Variants in DPY19L1 observed in about 807,000 individuals in gnomAD.
DPY19L1 encodes the protein dpy-19 like C-mannosyltransferase 1.
A neutral mutation model predicts 96.9 loss-of-function variants in DPY19L1; 35 were observed. The ratio of observed to expected loss-of-function variants is 0.36; its 90% CI spans 0.28 to 0.48. The LOEUF is 0.48. Ranked by LOEUF, DPY19L1 falls within the 20% of genes least tolerant of loss-of-function variation. DPY19L1 has a pLI of 0.99. For synonymous variants in DPY19L1, 205 were observed against 252.6 expected, an observed-to-expected ratio of 0.81 and a Z score of 1.79; for missense variants, 521 against 777.9, an observed-to-expected ratio of 0.67 and a Z score of 3.93.
At chr7:34,994,610 C>A (rs570259589) in intron 6 of DPY19L1, among the ~76,000 whole-genome samples, 1 of 152,092 alleles carries the variant, frequency 6.6e-6, no homozygotes, top group East Asian at 1.9e-4. Context: ...TCGAGACCAT[C>A]CTGGCTAACA....
intron 6 of DPY19L1, among the ~76,000 whole-genome samples, chr7:34,999,890 A>G (rs760391126): frequency 6.6e-6 from 1 of 152,204 alleles, no homozygotes; most frequent in Non-Finnish European, 1.5e-5. Flanking sequence ...TAATAATGTA[A>G]CTGCGGACTA....
rs1356952689 is a variant in DPY19L1, at chr7:34,947,710, C to T, written c.1423-9G>A. The T allele has an allele frequency of 1.9e-6, 3 of 1,599,604 alleles. No individual in the cohort carries two copies. The highest frequency in any genetic ancestry group is 1.7e-4 in the Middle Eastern group (1 of 5,926). Reference sequence around the variant, plus strand: ...GTGTATCTCAGTGGAGTCTGAAATTCAAAGAGATGTTTTGTTAGAAGGAAA... The same window carrying T: ...GTGTATCTCAGTGGAGTCTGAAATTTAAAGAGATGTTTTGTTAGAAGGAAA... On this transcript the variant is annotated splice_polypyrimidine_tract_variant and intron_variant, in intron 14 of 21. Coordinates refer to ENST00000638088, the MANE Select transcript of DPY19L1 (RefSeq NM_001366673.1).
chr7:35,029,307 T>C (rs1272777732), intron 1 of DPY19L1, among the ~76,000 whole-genome samples: 6 of 152,196 alleles, frequency 3.9e-5, no homozygotes, highest in Non-Finnish European at 7.4e-5. Flanking sequence ...CTAGATAAGA[T>C]ACACAACCAA....
At chr7:35,016,939 C>T (rs1785863656) in intron 3 of DPY19L1, among the ~76,000 whole-genome samples, 1 of 148,694 alleles carries the variant, frequency 6.7e-6, no homozygotes, top group Non-Finnish European at 1.5e-5. Flanking sequence ...TTAAGATACA[C>T]ATCAACTAAA....
At chr7:35,029,499 C>T (rs1380569785) in intron 1 of DPY19L1, among the ~76,000 whole-genome samples, 2 of 152,092 alleles carry the variant, frequency 1.3e-5, no homozygotes, top group Non-Finnish European at 2.9e-5. Flanking sequence ...AACTGATAAC[C>T]CATTCCAATG....
chr7:34,946,479 T>C (rs543372725), intron 15 of DPY19L1, among the ~76,000 whole-genome samples: 3 of 152,348 alleles, frequency 2.0e-5, no homozygotes, highest in African/African-American at 7.2e-5. Flanking sequence ...CGAAACAGCC[T>C]AGCTAATAGT....
chr7:34,949,732 A>C, intron 14 of DPY19L1, 65 bp downstream of exon 14: 2 of 976,592 alleles, frequency 2.0e-6, no homozygotes, highest in Non-Finnish European at 3.2e-6. Context: ...ATATAAGAGG[A>C]GCACTCCTTA....
chr7:35,010,942 G>A (rs1785696448), intron 5 of DPY19L1, among the ~76,000 whole-genome samples: 2 of 152,154 alleles, frequency 1.3e-5, no homozygotes, highest in African/African-American at 4.8e-5. Context: ...AGCTGCCATA[G>A]GAAAAGCCTT....
At chr7:34,975,981 G>A (rs553328662) in intron 7 of DPY19L1, among the ~76,000 whole-genome samples, 110 of 152,270 alleles carry the variant, frequency 7.2e-4, no homozygotes, top group African/African-American at 2.4e-3. Context: ...GGGTGGAGAC[G>A]GATGAGGTGA....
At chr7:34,961,347 T>C (rs1784497290) in intron 10 of DPY19L1, among the ~76,000 whole-genome samples, 1 of 152,152 alleles carries the variant, frequency 6.6e-6, no homozygotes, top group Non-Finnish European at 1.5e-5. Context: ...GACTCACATA[T>C]ATAGTCAACT....
intron 1 of DPY19L1, among the ~76,000 whole-genome samples, chr7:35,022,792 A>G (rs1051431849): frequency 1.3e-5 from 2 of 151,358 alleles, no homozygotes; most frequent in African/African-American, 4.8e-5. Flanking sequence ...ACACACACAC[A>G]TCATCCTTTT....
chr7:35,035,207 T>C (rs1786362479), intron 1 of DPY19L1, among the ~76,000 whole-genome samples: 1 of 152,204 alleles, frequency 6.6e-6, no homozygotes, highest in African/African-American at 2.4e-5. Context: ...CCAACTTCCA[T>C]ATATCTGATG....
intron 10 of DPY19L1, among the ~76,000 whole-genome samples, chr7:34,966,357 G>A (rs1416179847): frequency 6.6e-6 from 1 of 152,022 alleles, no homozygotes; most frequent in Admixed American, 6.6e-5. Context: ...GAGTGCAGTG[G>A]TGTGATCTTA....
At chr7:34,951,739 A>G (rs949169148) in intron 13 of DPY19L1, among the ~76,000 whole-genome samples, 10 of 151,922 alleles carry the variant, frequency 6.6e-5, no homozygotes, top group Admixed American at 1.3e-4. Flanking sequence ...AAAAAAAGAT[A>G]TAACTTTAAA....
At chr7:35,004,167 T>G (rs1785497129) in intron 6 of DPY19L1, among the ~76,000 whole-genome samples, 10 of 152,236 alleles carry the variant, frequency 6.6e-5, no homozygotes, top group Admixed American at 6.5e-4. Flanking sequence ...ACTTTTGGCT[T>G]GTCGCTTTAA....
At chr7:35,004,814 T>C (rs1253315670) in intron 6 of DPY19L1, among the ~76,000 whole-genome samples, 1 of 152,182 alleles carries the variant, frequency 6.6e-6, no homozygotes, top group East Asian at 1.9e-4. Flanking sequence ...AAGTATTGCA[T>C]GGGATACAAT....
intron 5 of DPY19L1, among the ~76,000 whole-genome samples, chr7:35,011,095 C>T (rs1252720447): frequency 1.3e-5 from 2 of 152,212 alleles, no homozygotes; most frequent in African/African-American, 2.4e-5. Context: ...AATGTAGCCT[C>T]TCAGTTAATT....
chr7:35,015,029 A>G (rs190683652), intron 3 of DPY19L1, among the ~76,000 whole-genome samples: 3 of 152,278 alleles, frequency 2.0e-5, no homozygotes, highest in African/African-American at 7.2e-5. Flanking sequence ...ATGCCCGTCA[A>G]CACCTTAATG....
intron 8 of DPY19L1, among the ~76,000 whole-genome samples, chr7:34,972,676 A>G (rs1304341013): frequency 6.6e-6 from 1 of 152,238 alleles, no homozygotes; most frequent in African/African-American, 2.4e-5. Context: ...AACAGGGCAC[A>G]GTTAAAGGTT....
Sources: gnomAD v4.1 joint callset for allele counts (sites outside exome capture counted in the v4.1 genomes callset) on GRCh38, gnomAD v4.1.1 for gene constraint, MANE v1.5 for transcripts, NCBI Gene and HGNC (gene_info 2026-07-23, HGNC 2026-07-21) for gene names.